F13A1: variants seen among roughly 807,000 people sequenced by gnomAD.
The protein encoded by F13A1 is coagulation factor XIII A chain.
A neutral mutation model predicts 80.1 loss-of-function variants in F13A1; 47 were observed. The ratio of observed to expected loss-of-function variants is 0.59; its 90% CI spans 0.46 to 0.75. F13A1 has a LOEUF of 0.75. F13A1 is among the 30% of genes least tolerant of loss of function. The pLI, the probability that F13A1 is intolerant of heterozygous loss-of-function variation, is 0.00. For synonymous variants in F13A1, 349 were observed against 344.9 expected, an observed-to-expected ratio of 1.01 and a Z score of -0.13; for missense variants, 817 against 930.4, an observed-to-expected ratio of 0.88 and a Z score of 1.59.
intron 4 of F13A1, among the ~76,000 whole-genome samples, chr6:6,254,163 C>CTAGAA (rs1757673713): frequency 2.2e-4 from 34 of 152,122 alleles, no homozygotes; most frequent in African/African-American, 7.7e-4. Flanking sequence ...ACCACCAGTG[C>CTAGAA]CAATGAGGGT....
At chr6:6,259,957 C>A (rs1757756310) in intron 4 of F13A1, among the ~76,000 whole-genome samples, 1 of 152,208 alleles carries the variant, frequency 6.6e-6, no homozygotes, top group Non-Finnish European at 1.5e-5. Flanking sequence ...GACTACCAAA[C>A]TGGAACATTC....
At chr6:6,306,981 T>C (rs1758521913) in intron 2 of F13A1, among the ~76,000 whole-genome samples, 1 of 152,270 alleles carries the variant, frequency 6.6e-6, no homozygotes, top group Non-Finnish European at 1.5e-5. Context: ...TGCTGAGCAA[T>C]TCAAAGTTCA....
chr6:6,312,937 C>T (rs1169184132), intron 2 of F13A1, among the ~76,000 whole-genome samples: 1 of 152,132 alleles, frequency 6.6e-6, no homozygotes, highest in East Asian at 1.9e-4. Flanking sequence ...GCCCATGAGT[C>T]AGCCACACAC....
At chr6:6,290,674 A>C (rs1334252856) in intron 3 of F13A1, among the ~76,000 whole-genome samples, 1 of 152,184 alleles carries the variant, frequency 6.6e-6, no homozygotes, top group East Asian at 1.9e-4. Flanking sequence ...TAGAGAACAC[A>C]CTCTGGGAAA....
chr6:6,306,705 C>T (rs1486588983), intron 2 of F13A1, among the ~76,000 whole-genome samples: 3 of 152,236 alleles, frequency 2.0e-5, no homozygotes, highest in African/African-American at 4.8e-5. Flanking sequence ...GCCCTGGCCT[C>T]TTGCCCTCCC....
At chr6:6,294,713 C>T (rs1583115508) in intron 3 of F13A1, among the ~76,000 whole-genome samples, 1 of 123,612 alleles carries the variant, frequency 8.1e-6, no homozygotes, top group African/African-American at 2.6e-5. Context: ...GGTAGAGATT[C>T]TTTTTTTTTT....
chr6:6,210,433 C>T (rs921202303), intron 8 of F13A1, among the ~76,000 whole-genome samples: 5 of 149,074 alleles, frequency 3.4e-5, no homozygotes, highest in Admixed American at 1.3e-4. Context: ...AAAGCTCCAC[C>T]TCCCAGGTTC....
chr6:6,201,674 C>T (rs769381213), intron 8 of F13A1, among the ~76,000 whole-genome samples: 8 of 152,174 alleles, frequency 5.3e-5, no homozygotes, highest in Admixed American at 5.2e-4. Flanking sequence ...ATGAAAGAGG[C>T]TAATGTTTAC....
chr6:6,219,945 T>C (rs1757167428), intron 8 of F13A1, among the ~76,000 whole-genome samples: 1 of 152,220 alleles, frequency 6.6e-6, no homozygotes, highest in South Asian at 2.1e-4. Flanking sequence ...GCACCTGTTA[T>C]GCTCGGCTCT....
rs762363983 is a variant in F13A1, at chr6:6,318,502, C to T, written c.130+33G>A. On this transcript the variant is annotated intron_variant, in intron 2 of 14. Coordinates refer to ENST00000264870, the MANE Select transcript of F13A1 (RefSeq NM_000129.4). ...GGCCAGGGCCCGGCTGTGCCTGGAC[C>T]CAGAGTGGTGGGGAAGGGGGGTATG... The T allele has an allele frequency of 6.2e-6, 10 of 1,601,940 alleles. No individual in the cohort carries two copies. The South Asian group carries it at 1.0e-4, about 16-fold the overall frequency.
At chr6:6,295,491 G>A (rs1345393550) in intron 3 of F13A1, among the ~76,000 whole-genome samples, 3 of 147,740 alleles carry the variant, frequency 2.0e-5, no homozygotes, top group African/African-American at 7.9e-5. Flanking sequence ...TTCTCTGATG[G>A]CCAGTGATGG....
intron 13 of F13A1, among the ~76,000 whole-genome samples, chr6:6,161,422 C>T (rs1307710771): frequency 3.3e-5 from 5 of 152,140 alleles, no homozygotes; most frequent in Middle Eastern, 6.8e-3. Flanking sequence ...AGATGTCAAT[C>T]CCCCCAGTGC....
chr6:6,157,556 A>G (rs1386100082), intron 13 of F13A1, among the ~76,000 whole-genome samples: 1 of 152,194 alleles, frequency 6.6e-6, no homozygotes, highest in Non-Finnish European at 1.5e-5. Context: ...GTTGACCCTG[A>G]ACTAAATTAG....
intron 2 of F13A1, among the ~76,000 whole-genome samples, chr6:6,316,433 A>G (rs2113204237): frequency 6.6e-6 from 1 of 152,074 alleles, no homozygotes; most frequent in Non-Finnish European, 1.5e-5. Flanking sequence ...TGGGTTGTGG[A>G]CACATATGTC....
intron 13 of F13A1, among the ~76,000 whole-genome samples, chr6:6,159,306 C>T (rs963208745): frequency 1.3e-5 from 2 of 152,184 alleles, no homozygotes; most frequent in Non-Finnish European, 2.9e-5. Context: ...TTGGTCCATC[C>T]CGGTGGGTTT....
intron 13 of F13A1, among the ~76,000 whole-genome samples, chr6:6,153,070 C>T (rs1006431280): frequency 6.6e-6 from 1 of 152,176 alleles, no homozygotes; most frequent in Non-Finnish European, 1.5e-5. Flanking sequence ...TATATTTCAG[C>T]CCACTTTTAA....
At chr6:6,261,007 G>C (rs1319433428) in intron 4 of F13A1, among the ~76,000 whole-genome samples, 1 of 152,046 alleles carries the variant, frequency 6.6e-6, no homozygotes, top group Non-Finnish European at 1.5e-5. Context: ...CTCACTCTGT[G>C]GCCCAGGCTG....
At chr6:6,163,433 ATAT>A (rs1760607281) in intron 13 of F13A1, among the ~76,000 whole-genome samples, 1 of 152,122 alleles carries the variant, frequency 6.6e-6, no homozygotes, top group South Asian at 2.1e-4. Flanking sequence ...TGTCACAAAG[ATAT>A]TAAACCTAGT....
chr6:6,270,945 A>AT (rs945930629), intron 3 of F13A1, among the ~76,000 whole-genome samples: 4 of 152,134 alleles, frequency 2.6e-5, no homozygotes, highest in Non-Finnish European at 5.9e-5. Flanking sequence ...GGGCCAACTC[A>AT]TTTTTTTGTG....
Sources: allele counts gnomAD v4.1 joint callset (sites outside exome capture counted in the v4.1 genomes callset), GRCh38; gene constraint gnomAD v4.1.1; transcripts MANE v1.5; gene names NCBI Gene and HGNC (gene_info 2026-07-23, HGNC 2026-07-21).